Variants in SORBS2 observed in about 807,000 individuals in gnomAD.
The protein encoded by SORBS2 is sorbin and SH3 domain containing 2, also known as sorbin and SH3 domain-containing protein 2.
SORBS2 carries 46 observed loss-of-function variants against 97.7 expected under a neutral mutation model. That is an observed-to-expected ratio of 0.47 (90% CI 0.37 to 0.60). SORBS2 has a LOEUF of 0.60. Ranked by LOEUF, SORBS2 falls within the 20% of genes least tolerant of loss-of-function variation. SORBS2 has a pLI of 0.00. For synonymous variants in SORBS2, 476 were observed against 473.4 expected, an observed-to-expected ratio of 1.01 and a Z score of -0.07; for missense variants, 1,316 against 1,282.3, an observed-to-expected ratio of 1.03 and a Z score of -0.40.
intron 1 of SORBS2, among the ~76,000 whole-genome samples, chr4:185,796,240 C>T (rs1223102484): frequency 6.6e-6 from 1 of 152,170 alleles, no homozygotes; most frequent in Non-Finnish European, 1.5e-5. Context: ...TCCCACCCTA[C>T]CTCAGTGGTG....
intron 2 of SORBS2, among the ~76,000 whole-genome samples, chr4:185,736,035 T>G (rs2098684651): frequency 6.6e-6 from 1 of 152,198 alleles, no homozygotes; most frequent in Non-Finnish European, 1.5e-5. Context: ...AGCAGAGCCG[T>G]GGACAGGTGC....
At chr4:185,915,589 C>T (rs1314024170) in intron 1 of SORBS2, among the ~76,000 whole-genome samples, 1 of 152,098 alleles carries the variant, frequency 6.6e-6, no homozygotes, top group African/African-American at 2.4e-5. Context: ...TCTCTCATTT[C>T]CTTCCCTCTT....
chr4:185,937,709 G>A (rs2099269629), intron 1 of SORBS2, among the ~76,000 whole-genome samples: 1 of 151,988 alleles, frequency 6.6e-6, no homozygotes, highest in African/African-American at 2.4e-5. Flanking sequence ...GCTGGAAGTG[G>A]AGGGGAGGGG....
At chr4:185,694,947 C>A (rs766713952) in intron 2 of SORBS2, among the ~76,000 whole-genome samples, 4 of 151,820 alleles carry the variant, frequency 2.6e-5, no homozygotes, top group Non-Finnish European at 4.4e-5. Context: ...CCTTGTGATC[C>A]TCCCGCCTCA....
chr4:185,646,605 G>A, intron 4 of SORBS2, 63 bp downstream of exon 13: 2 of 971,570 alleles, frequency 2.1e-6, no homozygotes, highest in Admixed American at 3.9e-5. Context: ...TGAAATTCAG[G>A]TTTATTGGGG....
chr4:185,928,401 C>T (rs2099264761), intron 1 of SORBS2, among the ~76,000 whole-genome samples: 1 of 152,140 alleles, frequency 6.6e-6, no homozygotes, highest in African/African-American at 2.4e-5. Context: ...AAGACCCCAT[C>T]TCAAAAAGAA....
intron 4 of SORBS2, among the ~76,000 whole-genome samples, chr4:185,671,591 AGGAG>A (rs2097712885): frequency 6.6e-6 from 1 of 152,256 alleles, no homozygotes; most frequent in African/African-American, 2.4e-5. Flanking sequence ...TCTCAAAAAA[AGGAG>A]AATCATGTTT....
At chr4:185,924,342 C>T (rs1461217059) in intron 1 of SORBS2, among the ~76,000 whole-genome samples, 5 of 152,152 alleles carry the variant, frequency 3.3e-5, no homozygotes, top group Admixed American at 2.6e-4. Context: ...GGCCAGAAAC[C>T]TCACTTCGTT....
At chr4:185,932,000 C>G (rs79633776) in intron 1 of SORBS2, among the ~76,000 whole-genome samples, 3 of 150,386 alleles carry the variant, frequency 2.0e-5, no homozygotes, top group Non-Finnish European at 4.4e-5. Context: ...CTCTCTCTCT[C>G]TCTATATATA....
chr4:185,739,030 T>C (rs980634465), intron 2 of SORBS2, among the ~76,000 whole-genome samples: 3 of 152,220 alleles, frequency 2.0e-5, no homozygotes, highest in Non-Finnish European at 4.4e-5. Context: ...ATCAAAAAAG[T>C]GTGAACTTGC....
At chr4:185,928,960 C>G (rs76791267) in intron 1 of SORBS2, among the ~76,000 whole-genome samples, 2,884 of 152,286 alleles carry the variant, frequency 0.019, 70 homozygotes, top group African/African-American at 0.051. Context: ...CTTACATAAA[C>G]ACATCCAAAC....
chr4:185,828,454 A>G (rs1036159806), intron 1 of SORBS2, among the ~76,000 whole-genome samples: 5 of 152,114 alleles, frequency 3.3e-5, no homozygotes, highest in African/African-American at 1.2e-4. Flanking sequence ...TGTAGCATCC[A>G]CTAAAATCAT....
At chr4:185,791,742 C>T (rs1245660694) in intron 1 of SORBS2, among the ~76,000 whole-genome samples, 1 of 151,874 alleles carries the variant, frequency 6.6e-6, no homozygotes, top group African/African-American at 2.4e-5. Flanking sequence ...CCCACAAGTA[C>T]ATGCCGTCAG....
At chr4:185,823,372 GGTGGC>G (rs2099197943) in intron 1 of SORBS2, among the ~76,000 whole-genome samples, 1 of 152,082 alleles carries the variant, frequency 6.6e-6, no homozygotes, top group African/African-American at 2.4e-5. Context: ...AAAAATGTAT[GGTGGC>G]ACCATTCCAT....
intron 2 of SORBS2, among the ~76,000 whole-genome samples, chr4:185,716,615 C>G (rs4635851): frequency 0.55 from 84,060 of 152,006 alleles, 23,551 homozygotes; most frequent in Non-Finnish European, 0.6. Context: ...TTAAGGGCGT[C>G]TACTAAATCT....
At chr4:185,747,318 A>G (rs1357478797) in intron 2 of SORBS2, among the ~76,000 whole-genome samples, 4 of 152,224 alleles carry the variant, frequency 2.6e-5, no homozygotes, top group Non-Finnish European at 4.4e-5. Context: ...TTTGTTATGG[A>G]AGCCCAAGCA....
Position 185,704,544 on chromosome 4 carries a change from C to A in SORBS2, c.-197-25722G>T, listed in dbSNP as rs117350285. Among the ~76,000 whole-genome samples the A allele has an allele frequency of 1.5e-3, 232 of 152,198 alleles. 2 individuals carry two copies. In the East Asian group the frequency reaches 0.024, roughly 16 times the overall value. On this transcript the variant is annotated intron_variant, in intron 2 of 20. Transcript: ENST00000284776. ...ATGTTGGCTAGGCTAGTCTCGAGTTCCTGACCTCAGGTGATCCACCCCCCT... is the reference window on the plus strand; with the variant it reads ...ATGTTGGCTAGGCTAGTCTCGAGTTACTGACCTCAGGTGATCCACCCCCCT...
At chr4:185,865,150 G>T (rs184958768) in intron 1 of SORBS2, among the ~76,000 whole-genome samples, 3 of 152,278 alleles carry the variant, frequency 2.0e-5, no homozygotes, top group East Asian at 3.9e-4. Context: ...TGATATGGCT[G>T]CCAAGATGGA....
At chr4:185,719,277 G>C (rs529615791) in intron 2 of SORBS2, among the ~76,000 whole-genome samples, 1 of 152,204 alleles carries the variant, frequency 6.6e-6, no homozygotes, top group East Asian at 1.9e-4. Flanking sequence ...AAGCAAGAAA[G>C]CTCCTTGAAG....
Sources: allele counts gnomAD v4.1 joint callset (sites outside exome capture counted in the v4.1 genomes callset), GRCh38; gene constraint gnomAD v4.1.1; transcripts MANE v1.5; gene names NCBI Gene and HGNC (gene_info 2026-07-23, HGNC 2026-07-21).